GPC5: variants seen among roughly 807,000 people sequenced by gnomAD.
GPC5 encodes glypican-5.
Under a neutral mutation model 53.9 loss-of-function variants are expected in GPC5, and 47 were observed. That is an observed-to-expected ratio of 0.87 (90% CI 0.69 to 1.11). The LOEUF is 1.11. Among genes scored for constraint, GPC5 ranks in the 50% most tolerant of loss-of-function variants. The pLI is 0.00. For missense variants in GPC5, 748 were observed against 713.1 expected (o/e 1.05, Z -0.56); for synonymous variants, 286 against 263.3 (o/e 1.09, Z -0.84).
rs139784763 is a variant in GPC5 at position 91,722,801 on chromosome 13, A to T, written c.1021-5731A>T. 1.6e-4 allele frequency among the ~76,000 whole-genome samples: 24 copies of T among 152,306 alleles called. No individual in the cohort carries two copies. The East Asian group carries it at 3.3e-3, about 21-fold the overall frequency. On this transcript the variant is annotated intron_variant, in intron 3 of 7. Transcript: ENST00000377067. ...ACTCTTTGCTAACCATAGCATAAAC[A>T]TACCTCTAATTCTTGCCAAGCAGAG...
intron 7 of GPC5, among the ~76,000 whole-genome samples, chr13:92,862,483 T>G (rs1879211061): frequency 6.6e-6 from 1 of 152,132 alleles, no homozygotes; most frequent in African/African-American, 2.4e-5. Context: ...GCATTCCATC[T>G]GCCCCGTACT....
intron 5 of GPC5, among the ~76,000 whole-genome samples, chr13:91,804,784 CAAGAAAGA>C (rs1470346081): frequency 2.6e-5 from 4 of 152,110 alleles, no homozygotes; most frequent in Non-Finnish European, 5.9e-5. Flanking sequence ...GGCAAAAGTG[CAAGAAAGA>C]CCTGCCCATT....
intron 7 of GPC5, among the ~76,000 whole-genome samples, chr13:92,404,059 G>T (rs1926610): frequency 0.65 from 98,275 of 151,996 alleles, 32,615 homozygotes; most frequent in African/African-American, 0.8. Context: ...ACTGCATTAT[G>T]AACTTGTCCA....
chr13:91,977,661 T>C (rs1221401401), intron 6 of GPC5, among the ~76,000 whole-genome samples: 1 of 152,094 alleles, frequency 6.6e-6, no homozygotes, highest in Non-Finnish European at 1.5e-5. Context: ...GATTAAAAAC[T>C]CCCTTGTTAA....
At position 91,571,841 on chromosome 13, in the gene GPC5, GTGTGTA is replaced by G. The variant is rs1566515646; in HGVS notation, c.326-121344_326-121339del. ...TGTGTGTATATATACACATATACTTGTGTGTATATACACATATACGTGTGTGTATAT... is the reference window on the plus strand; with the variant it reads ...TGTGTGTATATATACACATATACTTGTATACACATATACGTGTGTGTATAT... On this transcript the variant is annotated intron_variant, in intron 2 of 7. Transcript: ENST00000377067. Among the ~76,000 whole-genome samples the G allele has an allele frequency of 9.0e-4, 84 of 93,208 alleles. 3 individuals are homozygous for G. The highest frequency in any genetic ancestry group is 1.8e-3 in the African/African-American group (23 of 12,944). 61.1% of individuals were successfully genotyped at this position (93,208 alleles called of 152,430 possible).
chr13:92,430,228 G>A (rs991652626), intron 7 of GPC5, among the ~76,000 whole-genome samples: 4 of 151,956 alleles, frequency 2.6e-5, no homozygotes, highest in Admixed American at 1.3e-4. Flanking sequence ...TATAACACAT[G>A]TTTAGAAAAA....
intron 7 of GPC5, among the ~76,000 whole-genome samples, chr13:92,817,386 T>C (rs899718126): frequency 2.6e-5 from 4 of 151,944 alleles, no homozygotes; most frequent in African/African-American, 9.7e-5. Flanking sequence ...GTACATACTT[T>C]TTTGATTTTT....
At chr13:91,694,911 T>C (rs2035847410) in intron 3 of GPC5, among the ~76,000 whole-genome samples, 1 of 152,144 alleles carries the variant, frequency 6.6e-6, no homozygotes, top group East Asian at 1.9e-4. Context: ...GCCCAGCGAT[T>C]TCATTACTTT....
At chr13:91,814,704 C>A (rs749639268) in intron 5 of GPC5, among the ~76,000 whole-genome samples, 4 of 152,014 alleles carry the variant, frequency 2.6e-5, no homozygotes, top group Non-Finnish European at 4.4e-5. Context: ...CCATGCCTGG[C>A]TAATTTTTAT....
At chr13:92,757,777 A>G (rs1237378077) in intron 7 of GPC5, among the ~76,000 whole-genome samples, 4 of 152,224 alleles carry the variant, frequency 2.6e-5, no homozygotes, top group African/African-American at 7.2e-5. Flanking sequence ...TAAAACCACA[A>G]TGAGATACCA....
At chr13:91,640,907 G>A (rs533616987) in intron 2 of GPC5, among the ~76,000 whole-genome samples, 46 of 152,168 alleles carry the variant, frequency 3.0e-4, no homozygotes, top group African/African-American at 1.1e-3. Context: ...ACTGGATACA[G>A]AAAATGTGGT....
intron 2 of GPC5, among the ~76,000 whole-genome samples, chr13:91,488,969 G>C (rs923460553): frequency 1.3e-5 from 2 of 152,162 alleles, no homozygotes; most frequent in Admixed American, 1.3e-4. Context: ...TCGTAGCTGT[G>C]GGATGAAATA....
chr13:92,568,598 A>G (rs753627262), intron 7 of GPC5, among the ~76,000 whole-genome samples: 1 of 152,124 alleles, frequency 6.6e-6, no homozygotes, highest in Non-Finnish European at 1.5e-5. Flanking sequence ...ACAACACTCC[A>G]TTTGTTTTGA....
intron 2 of GPC5, among the ~76,000 whole-genome samples, chr13:91,680,175 G>A (rs543162604): frequency 3.3e-5 from 5 of 152,286 alleles, no homozygotes; most frequent in South Asian, 2.1e-4. Context: ...ATGAGGCCAC[G>A]CACAGTGGCT....
At chr13:91,789,769 C>T (rs1306177751) in intron 5 of GPC5, among the ~76,000 whole-genome samples, 3 of 152,108 alleles carry the variant, frequency 2.0e-5, no homozygotes, top group Admixed American at 6.6e-5. Context: ...GTGTATTTGG[C>T]GCACTATCCT....
At chr13:92,673,893 T>G (rs900573619) in intron 7 of GPC5, among the ~76,000 whole-genome samples, 1 of 152,132 alleles carries the variant, frequency 6.6e-6, no homozygotes, top group African/African-American at 2.4e-5. Flanking sequence ...AATAATGGAA[T>G]GAAGGAACTA....
intron 6 of GPC5, among the ~76,000 whole-genome samples, chr13:92,009,763 A>G (rs974802460): frequency 2.0e-5 from 3 of 151,984 alleles, no homozygotes; most frequent in African/African-American, 7.3e-5. Flanking sequence ...TTTCTTAACC[A>G]CTTTCTTGAA....
intron 6 of GPC5, among the ~76,000 whole-genome samples, chr13:92,051,460 A>AGGCTGT (rs2041028676): frequency 2.0e-5 from 3 of 152,036 alleles, no homozygotes; most frequent in African/African-American, 7.2e-5. Flanking sequence ...TCAGCCTCCC[A>AGGCTGT]AAGTGCCGGG....
intron 7 of GPC5, among the ~76,000 whole-genome samples, chr13:92,775,455 T>G (rs1875768219): frequency 1.3e-5 from 2 of 152,164 alleles, no homozygotes; most frequent in Admixed American, 1.3e-4. Flanking sequence ...AACAAGTCCT[T>G]GTCTGTTTTT....
Sources: gnomAD v4.1 joint callset for allele counts (sites outside exome capture counted in the v4.1 genomes callset) on GRCh38, gnomAD v4.1.1 for gene constraint, MANE v1.5 for transcripts, NCBI Gene and HGNC (gene_info 2026-07-23, HGNC 2026-07-21) for gene names.